Variants in SYNGR3 observed in about 807,000 individuals in gnomAD.
SYNGR3 encodes the protein synaptogyrin 3.
SYNGR3 carries 10 observed loss-of-function variants against 18.5 expected under a neutral mutation model. The observed-to-expected ratio is 0.54, with a 90% CI of 0.33 to 0.92. SYNGR3 has a LOEUF of 0.92. SYNGR3 is among the 40% of genes least tolerant of loss of function. SYNGR3 has a pLI of 0.02. For missense variants in SYNGR3, 335 were observed against 332.8 expected, an observed-to-expected ratio of 1.01 and a Z score of -0.05; for synonymous variants, 188 against 157.2, an observed-to-expected ratio of 1.20 and a Z score of -1.47.
intron 2 of SYNGR3, 58 bp from the exon 3 acceptor site, chr16:1,992,578 C>A: frequency 6.4e-7 from 1 of 1,558,166 alleles, no homozygotes; most frequent in Non-Finnish European, 8.6e-7. Context: ...CTCCTCCGGG[C>A]GAGGCCGCCG....
At position 1,994,128 on chromosome 16, in the gene SYNGR3, C is replaced by G. The variant is rs1213917022; in HGVS notation, c.*1056C>G. 2.6e-5 allele frequency: 4 copies of G among 155,624 alleles called. No homozygotes were observed. Among genetic ancestry groups the G allele is most frequent in the Admixed American group, 2.5e-4 (4 of 15,990 alleles). The allele number at this position is 155,624 out of a possible 1,614,324, so 9.6% of individuals were successfully genotyped here. A position where few individuals can be genotyped will look rare whatever the true frequency, so the allele number is the denominator to read the frequency against. On this transcript the variant is annotated 3_prime_UTR_variant, in exon 4 of 4. Coordinates refer to ENST00000248121, the MANE Select transcript of SYNGR3 (RefSeq NM_004209.6). The stretch of plus-strand genomic sequence containing the variant: ...TGTTACATTGTAGCCTAGACCAATT[C>G]TGTGTGGATATTTAAGTGAACATGT...
chr16:1,990,710 T>C, intron 1 of SYNGR3: 1 of 255,464 alleles, frequency 3.9e-6, no homozygotes, highest in Non-Finnish European at 8.2e-6. Flanking sequence ...CTGGGAGGGC[T>C]TCCTGGCGGC....
At chr16:1,991,814 A>G in intron 1 of SYNGR3, 160 bp from the exon 2 acceptor site, 1 of 616,328 alleles carries the variant, frequency 1.6e-6, no homozygotes, top group South Asian at 2.1e-5. Flanking sequence ...GTTGTCAATA[A>G]TTACTAAATA....
rs769670425 is a variant in SYNGR3, at chr16:1,992,072, C to T, written c.198C>T (p.Gly66=). 1 of 1,565,238 alleles carries T rather than the reference C, an allele frequency of 6.4e-7. No homozygotes were observed. Among genetic ancestry groups the T allele is most frequent in the Non-Finnish European group, 8.6e-7 (1 of 1,157,554 alleles). Residue 66 remains glycine (G), a synonymous_variant, in exon 2 of 4, where the codon GGC becomes GGT. Transcript: ENST00000248121. ...GCTGCGTGTTCAACGGGAACGCGGG[C>T]GCCTGCCGCTTCGGCGTCGCGCTGG... ...ELRCVFNGNA[G]ACRFGVALGL... is the part of the protein sequence containing the mutation.
intron 1 of SYNGR3, chr16:1,991,486 G>T: frequency 6.6e-6 from 1 of 151,010 alleles, no homozygotes; most frequent in South Asian, 1.9e-4. Flanking sequence ...CCTCCCCTTC[G>T]CCGTTCCGGC....
At chr16:1,992,340 A>G in intron 2 of SYNGR3, 129 bp downstream of exon 2, 1 of 170,928 alleles carries the variant, frequency 5.9e-6, no homozygotes, top group Non-Finnish European at 8.2e-6. Context: ...GGACTGAGGC[A>G]GGGAGTGTCA....
In SYNGR3 at chr16:1,992,680, A is replaced by C. The variant is rs200028112; in HGVS notation, c.382A>C (p.Asn128His). Residue 128 changes from asparagine (N) to histidine (H), a missense_variant, in exon 3 of 4, where the codon AAT (asparagine) becomes CAT (histidine). Asn to His is a moderately conservative substitution (Grantham distance 68, BLOSUM62 1). Transcript: ENST00000248121. ...LWFVGFCFLT[N>H]QWQRTAPGPA... Reference sequence around the variant, plus strand: ...GTTCGTGGGCTTCTGCTTCCTCACCAATCAGTGGCAGCGCACGGCGCCAGG... The same window carrying C: ...GTTCGTGGGCTTCTGCTTCCTCACCCATCAGTGGCAGCGCACGGCGCCAGG... The C allele has an allele frequency of 8.1e-6, 13 of 1,606,024 alleles. No individual in the cohort carries two copies. Among genetic ancestry groups the C allele is most frequent in the Non-Finnish European group, 1.1e-5 (13 of 1,177,744 alleles).
At chr16:1,992,328 G>A (rs1266085897) in intron 2 of SYNGR3, 117 bp downstream of exon 2, 16 of 800,774 alleles carry the variant, frequency 2.0e-5, no homozygotes, top group Admixed American at 4.2e-5. Flanking sequence ...GACGAGGGGC[G>A]GGGACTGAGG....
rs935841632 is a variant in SYNGR3, at chr16:1,992,014, G to A, written c.140G>A (p.Gly47Asp). 4 of 1,592,934 alleles carry A rather than the reference G, an allele frequency of 2.5e-6. No individual in the cohort carries two copies. Among genetic ancestry groups the A allele is most frequent in the Non-Finnish European group, 3.4e-6 (4 of 1,171,580 alleles). The change falls in exon 2 of 4, where the codon GGC (glycine) becomes GAC (aspartate). Residue 47 changes from glycine to aspartate, a missense_variant. Transcript: ENST00000248121. ...IAVFGPIVNE[G>D]YVNTDSGPEL... is the part of the protein sequence containing the mutation. The stretch of plus-strand genomic sequence containing the variant: ...GTCTTCGGGCCCATCGTCAACGAGG[G>A]CTACGTGAACACCGACAGCGGCCCC...
rs1268427886 is a variant in SYNGR3 at position 1,992,194 on chromosome 16, TG to T, written c.322del (p.Asp108ThrfsTer58). 2.3e-6 allele frequency: 3 copies of T among 1,321,900 alleles called. No homozygotes were observed. The highest frequency in any genetic ancestry group is 2.9e-6 in the Non-Finnish European group (3 of 1,031,758). The allele number at this position is 1,321,900 out of a possible 1,614,324, so 81.9% of individuals were successfully genotyped here. Reference sequence around the variant, plus strand: ...CGCGACCGCCGGCGCGCGGTGTTGCTGGACCTGGGCTTCTCAGGTGGGCGGG... The same window carrying T: ...CGCGACCGCCGGCGCGCGGTGTTGCTGACCTGGGCTTCTCAGGTGGGCGGG... ...SVRDRRRAVL[L>X]DLGFSGLWSF... is the part of the protein sequence containing the mutation. On this transcript the variant is annotated frameshift_variant, in exon 2 of 4. Coordinates refer to ENST00000248121, the MANE Select transcript of SYNGR3 (RefSeq NM_004209.6). LOFTEE classifies it high-confidence loss of function.
At chr16:1,992,246 T>G in intron 2 of SYNGR3, 35 bp downstream of exon 2, 1 of 209,002 alleles carries the variant, frequency 4.8e-6, no homozygotes, top group Non-Finnish European at 8.3e-6. Context: ...GCGGAGAGCC[T>G]TCCGGGTGGG....
chr16:1,993,673 C>T lies in SYNGR3; in HGVS notation c.*601C>T, dbSNP rs1474558411. The T allele has an allele frequency of 2.3e-6, 1 of 438,670 alleles. No homozygotes were observed. Among genetic ancestry groups the T allele is most frequent in the Non-Finnish European group, 4.6e-6 (1 of 216,334 alleles). The allele number at this position is 438,670 out of a possible 1,614,324, so 27.2% of individuals were successfully genotyped here. The stretch of plus-strand genomic sequence containing the variant: ...CCTCCTAGTACTCCACAAGCTGCTC[C>T]TCTCTCTGTGGCCCCGGCCCCTGCC... On this transcript the variant is annotated 3_prime_UTR_variant, in exon 4 of 4. Coordinates refer to ENST00000248121, the MANE Select transcript of SYNGR3 (RefSeq NM_004209.6).
intron 1 of SYNGR3, 62 bp downstream of exon 1, chr16:1,990,263 C>CCGGGGGGGG: frequency 1.2e-6 from 1 of 814,056 alleles, no homozygotes; most frequent in Non-Finnish European, 1.6e-6. Flanking sequence ...AGGCCCCTAC[C>CCGGGGGGGG]AGCCCCCTGC....
At chr16:1,990,795 C>T in intron 1 of SYNGR3, 1 of 192,358 alleles carries the variant, frequency 5.2e-6, no homozygotes, top group South Asian at 5.4e-5. Context: ...TCCTTCCCTC[C>T]GGCAGGGGAG....
chr16:1,993,166 C>A lies in SYNGR3; in HGVS notation c.*94C>A. On this transcript the variant is annotated 3_prime_UTR_variant, in exon 4 of 4. Coordinates refer to ENST00000248121, the MANE Select transcript of SYNGR3 (RefSeq NM_004209.6). ...TCCCTTGGGTCCTTCCAGCTCAGTG[C>A]CGCGGACAGAGTAGGTGGCCGCTTT... The A allele has an allele frequency of 1.4e-6, 2 of 1,445,134 alleles. No individual in the cohort carries two copies. The highest frequency in any genetic ancestry group is 1.9e-6 in the Non-Finnish European group (2 of 1,067,484). The allele number at this position is 1,445,134 out of a possible 1,614,324, so 89.5% of individuals were successfully genotyped here.
At chr16:1,992,237 C>G in intron 2 of SYNGR3, 26 bp downstream of exon 2, 1 of 396,180 alleles carries the variant, frequency 2.5e-6, no homozygotes, top group Non-Finnish European at 2.9e-6. Context: ...GCGGTGAGCG[C>G]GGAGAGCCTT....
intron 1 of SYNGR3, chr16:1,990,587 A>G: frequency 2.4e-6 from 1 of 421,408 alleles, no homozygotes; most frequent in Non-Finnish European, 4.8e-6. Flanking sequence ...GGGCTACGGG[A>G]ACCGAGAAGC....
intron 1 of SYNGR3, 65 bp from the exon 2 acceptor site, chr16:1,991,909 G>A: frequency 2.1e-6 from 3 of 1,440,960 alleles, no homozygotes; most frequent in Non-Finnish European, 2.8e-6. Flanking sequence ...CAGGGGCGTG[G>A]GCGCTCGAGG....
Sources: gnomAD v4.1 joint callset for allele counts on GRCh38, gnomAD v4.1.1 for gene constraint, MANE v1.5 for transcripts, NCBI Gene and HGNC (gene_info 2026-07-23, HGNC 2026-07-21) for gene names.